The following HPSE2 variants were observed in gnomAD, a reference collection of about 807,000 sequenced individuals.
The protein encoded by HPSE2 is inactive heparanase-2.
HPSE2 carries 38 observed loss-of-function variants against 60.5 expected under a neutral mutation model. The ratio of observed to expected loss-of-function variants is 0.63; its 90% CI spans 0.48 to 0.82. The LOEUF (loss-of-function observed/expected upper bound fraction) is 0.82. Ranked by LOEUF, HPSE2 falls within the 40% of genes least tolerant of loss-of-function variation. HPSE2 has a pLI of 0.00. For synonymous variants in HPSE2, 295 were observed against 293.2 expected, an observed-to-expected ratio of 1.01 and a Z score of -0.06; for missense variants, 713 against 740.4, an observed-to-expected ratio of 0.96 and a Z score of 0.43.
chr10:99,203,459 T>G (rs988697170), intron 2 of HPSE2, among the ~76,000 whole-genome samples: 1 of 152,000 alleles, frequency 6.6e-6, no homozygotes, highest in Non-Finnish European at 1.5e-5. Flanking sequence ...CCTGGCCTCA[T>G]GTACCAGGCC....
chr10:98,936,713 G>T (rs1182686945), intron 3 of HPSE2, among the ~76,000 whole-genome samples: 1 of 142,994 alleles, frequency 7.0e-6, no homozygotes, highest in Non-Finnish European at 1.5e-5. Flanking sequence ...AGGTGCGGTG[G>T]CTCACGCCTG....
intron 7 of HPSE2, among the ~76,000 whole-genome samples, chr10:98,633,096 G>A (rs1299783934): frequency 6.6e-6 from 1 of 152,106 alleles, no homozygotes; most frequent in African/African-American, 2.4e-5. Flanking sequence ...CCTACTCAAT[G>A]TGAAGACAAA....
At chr10:98,882,478 TG>T (rs1953050794) in intron 3 of HPSE2, among the ~76,000 whole-genome samples, 1 of 152,054 alleles carries the variant, frequency 6.6e-6, no homozygotes, top group South Asian at 2.1e-4. Flanking sequence ...GATTGTAAAC[TG>T]GGTTCGAATC....
intron 3 of HPSE2, among the ~76,000 whole-genome samples, chr10:98,795,350 A>G (rs1478134899): frequency 6.6e-6 from 1 of 152,192 alleles, no homozygotes; most frequent in African/African-American, 2.4e-5. Flanking sequence ...CGGCACGGAA[A>G]GTCTGTGCAC....
intron 3 of HPSE2, among the ~76,000 whole-genome samples, chr10:99,072,330 C>T (rs1475125450): frequency 3.9e-5 from 5 of 127,382 alleles, no homozygotes; most frequent in South Asian, 5.8e-4. Context: ...AGCTTTTGCA[C>T]AGCAAAAGAA....
At chr10:98,703,721 C>T (rs1024940426) in intron 5 of HPSE2, among the ~76,000 whole-genome samples, 1 of 152,134 alleles carries the variant, frequency 6.6e-6, no homozygotes, top group African/African-American at 2.4e-5. Context: ...AAATCAACAT[C>T]TCTTCATGTT....
intron 9 of HPSE2, among the ~76,000 whole-genome samples, chr10:98,563,715 AT>A (rs577268816): frequency 0.016 from 2,480 of 151,624 alleles, 29 homozygotes; most frequent in Non-Finnish European, 0.025. Context: ...CTTTCTTCTT[AT>A]TTTTTTTTCT....
At chr10:98,806,915 A>T (rs1951055161) in intron 3 of HPSE2, among the ~76,000 whole-genome samples, 1 of 152,144 alleles carries the variant, frequency 6.6e-6, no homozygotes, top group Admixed American at 6.5e-5. Flanking sequence ...AGGCCGAGGC[A>T]GGCGAATCAC....
chr10:99,028,726 T>C lies in HPSE2; in HGVS notation c.610+115512A>G, dbSNP rs1260160628. ...AATTGGAGAAATCACATTACCTGAC[T>C]GCAAATTATACTACAGTGATACAGT... is the stretch of plus-strand genomic sequence containing the variant. On this transcript the variant is annotated intron_variant, in intron 3 of 11. Transcript: ENST00000370552. Among the ~76,000 whole-genome samples, 3 of 152,162 alleles carry C rather than the reference T, an allele frequency of 2.0e-5. No homozygotes were observed. The East Asian group carries it at 5.8e-4, about 29-fold the overall frequency.
At chr10:98,901,291 A>G (rs1200828303) in intron 3 of HPSE2, among the ~76,000 whole-genome samples, 1 of 152,188 alleles carries the variant, frequency 6.6e-6, no homozygotes, top group African/African-American at 2.4e-5. Flanking sequence ...TGGCAGTTAC[A>G]TGGTTGTATA....
At chr10:99,186,097 T>G (rs1847998754) in intron 2 of HPSE2, among the ~76,000 whole-genome samples, 1 of 55,422 alleles carries the variant, frequency 1.8e-5, no homozygotes, top group Non-Finnish European at 4.8e-5. Flanking sequence ...CTAAGCAGGA[T>G]AAATAACCAC....
the HPSE2 span, among the ~76,000 whole-genome samples, chr10:99,301,896 C>G: frequency 6.6e-6 from 1 of 151,636 alleles, no homozygotes; most frequent in African/African-American, 2.4e-5. Context: ...AGATGTAACT[C>G]TTAACGTATG....
chr10:99,297,587 T>C, the HPSE2 span, among the ~76,000 whole-genome samples: 1 of 152,210 alleles, frequency 6.6e-6, no homozygotes, highest in Non-Finnish European at 1.5e-5. Flanking sequence ...CTAAAATGGG[T>C]GCAGTCTTAT....
At chr10:98,524,556 C>T (rs1591312112) in intron 9 of HPSE2, among the ~76,000 whole-genome samples, 1 of 152,298 alleles carries the variant, frequency 6.6e-6, no homozygotes, top group East Asian at 1.9e-4. Context: ...ATTAGCCAAC[C>T]ACTTTTGCTG....
At chr10:98,671,027 G>A (rs72840541) in intron 6 of HPSE2, among the ~76,000 whole-genome samples, 4,933 of 152,214 alleles carry the variant, frequency 0.032, 209 homozygotes, top group African/African-American at 0.091. Context: ...TCGTGTTGGT[G>A]TTAAAAAAAT....
chr10:98,905,114 G>A (rs1201603598), intron 3 of HPSE2, among the ~76,000 whole-genome samples: 2 of 151,816 alleles, frequency 1.3e-5, no homozygotes, highest in Admixed American at 6.6e-5. Flanking sequence ...CTAAATGCTT[G>A]TATTTATCCC....
chr10:99,182,184 G>A (rs892878645), intron 2 of HPSE2, among the ~76,000 whole-genome samples: 4 of 152,194 alleles, frequency 2.6e-5, no homozygotes, highest in African/African-American at 9.7e-5. Context: ...TTTTAAAAGA[G>A]ACCTCTTTAC....
intron 6 of HPSE2, among the ~76,000 whole-genome samples, chr10:98,660,531 C>A (rs570062842): frequency 6.6e-6 from 1 of 152,302 alleles, no homozygotes; most frequent in African/African-American, 2.4e-5. Flanking sequence ...GTGCCCCTGG[C>A]ATGCCATAGC....
intron 3 of HPSE2, among the ~76,000 whole-genome samples, chr10:98,850,729 T>C: frequency 1.1e-5 from 1 of 90,532 alleles, no homozygotes; most frequent in African/African-American, 4.9e-5. Context: ...AGAGTGAGAC[T>C]CCATCTCAAA....
Sources: gnomAD v4.1 joint callset for allele counts (sites outside exome capture counted in the v4.1 genomes callset) on GRCh38, gnomAD v4.1.1 for gene constraint, MANE v1.5 for transcripts, NCBI Gene and HGNC (gene_info 2026-07-23, HGNC 2026-07-21) for gene names.